Variants in MTUS2 observed in about 807,000 individuals in gnomAD.
MTUS2 encodes the protein microtubule-associated tumor suppressor candidate 2.
In MTUS2, 40 loss-of-function variants were observed where a neutral mutation model predicts 114.1. The observed-to-expected ratio is 0.35, with a 90% confidence interval of 0.27 to 0.46. The LOEUF is 0.46. MTUS2 is among the 20% of genes least tolerant of loss of function. The pLI is 1.00. For missense variants in MTUS2, 1,679 were observed against 1,705.4 expected (o/e 0.98, Z 0.27); for synonymous variants, 688 against 672.0 (o/e 1.02, Z -0.37).
intron 2 of MTUS2, among the ~76,000 whole-genome samples, chr13:28,863,619 A>G (rs1201826610): frequency 6.6e-6 from 1 of 152,246 alleles, no homozygotes; most frequent in Non-Finnish European, 1.5e-5. Context: ...AATGTCTCAC[A>G]GGTGCTGCAA....
In MTUS2 at chr13:29,282,413, C is replaced by T. The variant is rs114595570; in HGVS notation, c.2806+548C>T. On this transcript the variant is annotated intron_variant, in intron 6 of 15. Coordinates refer to ENST00000612955, the MANE Select transcript of MTUS2 (RefSeq NM_001033602.4). Reference sequence around the variant, plus strand: ...AGCAAAACTGATCCCTGTGCCCCACCTGTGCATACCCACAAAGCTAGTGAC... The same window carrying T: ...AGCAAAACTGATCCCTGTGCCCCACTTGTGCATACCCACAAAGCTAGTGAC... 3.2e-3 allele frequency among the ~76,000 whole-genome samples: 483 copies of T among 152,356 alleles called. 3 individuals carry two copies. Among genetic ancestry groups the T allele is most frequent in the African/African-American group, 0.011 (467 of 41,592 alleles).
At chr13:29,034,685 G>A (rs1005696581) in intron 4 of MTUS2, among the ~76,000 whole-genome samples, 1 of 152,186 alleles carries the variant, frequency 6.6e-6, no homozygotes, top group Admixed American at 6.5e-5. Context: ...AGTTTGAAAT[G>A]TCTTTGGTCA....
intron 2 of MTUS2, among the ~76,000 whole-genome samples, chr13:29,007,091 A>G (rs1463709250): frequency 6.6e-6 from 1 of 152,174 alleles, no homozygotes; most frequent in African/African-American, 2.4e-5. Context: ...AGATTCCTTA[A>G]ATTTAAAATT....
chr13:28,969,349 G>A (rs1179303193), intron 2 of MTUS2, among the ~76,000 whole-genome samples: 2 of 152,118 alleles, frequency 1.3e-5, no homozygotes, highest in African/African-American at 2.4e-5. Flanking sequence ...ATACTGATCA[G>A]ATCATTAGGG....
chr13:29,028,699 C>T (rs929802101), intron 3 of MTUS2, among the ~76,000 whole-genome samples: 4 of 152,030 alleles, frequency 2.6e-5, no homozygotes, highest in Non-Finnish European at 5.9e-5. Context: ...CCTACCTCCA[C>T]CTGCCATAAA....
chr13:29,293,991 C>T (rs938536906), intron 6 of MTUS2, among the ~76,000 whole-genome samples: 1 of 152,050 alleles, frequency 6.6e-6, no homozygotes, highest in Admixed American at 6.5e-5. Flanking sequence ...AAAGAACTTT[C>T]ATTTTTAAAT....
chr13:29,179,500 G>A (rs1377375997), intron 5 of MTUS2, among the ~76,000 whole-genome samples: 2 of 152,114 alleles, frequency 1.3e-5, no homozygotes, highest in African/African-American at 4.8e-5. Flanking sequence ...CTCCCTAAAA[G>A]AAAGAAAGGG....
intron 2 of MTUS2, among the ~76,000 whole-genome samples, chr13:28,961,837 C>T (rs1883342999): frequency 6.6e-6 from 1 of 151,974 alleles, no homozygotes; most frequent in Non-Finnish European, 1.5e-5. Context: ...CATAACATTC[C>T]ATACTCTGAG....
At chr13:29,406,256 A>G (rs1874745705) in intron 8 of MTUS2, among the ~76,000 whole-genome samples, 1 of 151,934 alleles carries the variant, frequency 6.6e-6, no homozygotes, top group South Asian at 2.1e-4. Flanking sequence ...AACACTTACT[A>G]CCCCACTGAG....
At chr13:29,047,681 T>G (rs894641645) in intron 4 of MTUS2, among the ~76,000 whole-genome samples, 1 of 151,944 alleles carries the variant, frequency 6.6e-6, no homozygotes, top group African/African-American at 2.4e-5. Context: ...GCCCGGCTAA[T>G]TTTTTGTGTT....
At chr13:28,885,272 C>T (rs1878526330) in intron 2 of MTUS2, among the ~76,000 whole-genome samples, 1 of 152,226 alleles carries the variant, frequency 6.6e-6, no homozygotes, top group South Asian at 2.1e-4. Flanking sequence ...GATTTAAAAA[C>T]GTTCTTGGCA....
chr13:28,899,246 A>G (rs1879484582), intron 2 of MTUS2, among the ~76,000 whole-genome samples: 2 of 152,346 alleles, frequency 1.3e-5, no homozygotes, highest in East Asian at 1.9e-4. Flanking sequence ...GCCTCCTTAC[A>G]TATTTTAAGT....
chr13:28,895,510 T>C (rs1348447394), intron 2 of MTUS2, among the ~76,000 whole-genome samples: 1 of 152,236 alleles, frequency 6.6e-6, no homozygotes. Flanking sequence ...TTCATTCTTT[T>C]AGATTAAATA....
intron 5 of MTUS2, among the ~76,000 whole-genome samples, chr13:29,172,476 T>C (rs1336808924): frequency 6.6e-6 from 1 of 152,200 alleles, no homozygotes. Flanking sequence ...GAAAATGGTG[T>C]AATGAATTAA....
At chr13:29,417,219 G>A (rs756587445) in intron 8 of MTUS2, among the ~76,000 whole-genome samples, 2 of 152,064 alleles carry the variant, frequency 1.3e-5, no homozygotes, top group South Asian at 2.1e-4. Context: ...GAAGAGTGAG[G>A]TGCAGGCTTA....
intron 8 of MTUS2, among the ~76,000 whole-genome samples, chr13:29,414,528 A>G (rs1447475232): frequency 6.7e-6 from 1 of 148,502 alleles, no homozygotes; most frequent in Non-Finnish European, 1.5e-5. Flanking sequence ...TGTTTTTTGT[A>G]TGCAATAGTT....
At chr13:28,942,239 T>G (rs548417401) in intron 2 of MTUS2, among the ~76,000 whole-genome samples, 1 of 152,230 alleles carries the variant, frequency 6.6e-6, no homozygotes, top group East Asian at 1.9e-4. Flanking sequence ...ATGCTCAACC[T>G]CATTAGTCAT....
intron 8 of MTUS2, among the ~76,000 whole-genome samples, chr13:29,422,526 A>G (rs1237096147): frequency 6.6e-6 from 1 of 152,076 alleles, no homozygotes; most frequent in Non-Finnish European, 1.5e-5. Context: ...ACTTTTCTAA[A>G]TGTTTGTTGC....
intron 7 of MTUS2, among the ~76,000 whole-genome samples, chr13:29,346,135 C>A (rs1171016141): frequency 6.6e-6 from 1 of 152,156 alleles, no homozygotes; most frequent in Non-Finnish European, 1.5e-5. Flanking sequence ...TGGTTGGCCG[C>A]CAGCCAGGAG....
Sources: gnomAD v4.1 joint callset for allele counts (sites outside exome capture counted in the v4.1 genomes callset) on GRCh38, gnomAD v4.1.1 for gene constraint, MANE v1.5 for transcripts, NCBI Gene and HGNC (gene_info 2026-07-23, HGNC 2026-07-21) for gene names.